TRIM33: variants seen among roughly 807,000 people sequenced by gnomAD.
TRIM33 encodes the protein E3 ubiquitin-protein ligase TRIM33.
In TRIM33, 20 loss-of-function variants were observed where a neutral mutation model predicts 125.4. The observed-to-expected ratio is 0.16, with a 90% CI of 0.11 to 0.23. The LOEUF (loss-of-function observed/expected upper bound fraction) is 0.23, where lower values mean the gene tolerates loss of function less well. Ranked by LOEUF, TRIM33 falls within the 10% of genes least tolerant of loss-of-function variation. The pLI is 1.00. For missense variants in TRIM33, 920 were observed against 1,411.4 expected (o/e 0.65, Z 5.58); for synonymous variants, 564 against 513.9 (o/e 1.10, Z -1.32).
chr1:114,395,838 C>T lies in TRIM33; in HGVS notation c.*1810G>A, dbSNP rs1299739689. 1.0e-5 allele frequency: 2 copies of T among 192,470 alleles called. No individual in the cohort carries two copies. The highest frequency in any genetic ancestry group is 2.2e-5 in the Non-Finnish European group (2 of 92,120). The allele number at this position is 192,470 out of a possible 1,614,324, so 11.9% of individuals were successfully genotyped here. ...TAATAAAATCAATACTCTTTAAATA[C>T]ACAACCAGAAAGCCTGAATCATATT... On this transcript the variant is annotated 3_prime_UTR_variant, in exon 20 of 20. Transcript: ENST00000358465.
At chr1:114,438,525 A>G (rs973290950) in intron 4 of TRIM33, among the ~76,000 whole-genome samples, 2 of 152,216 alleles carry the variant, frequency 1.3e-5, no homozygotes, top group African/African-American at 4.8e-5. Flanking sequence ...ATAGATGGCA[A>G]TAGCCTATTC....
At chr1:114,414,581 T>C (rs925282956) in intron 11 of TRIM33, among the ~76,000 whole-genome samples, 3 of 152,208 alleles carry the variant, frequency 2.0e-5, no homozygotes, top group Non-Finnish European at 2.9e-5. Context: ...AACAATCCAC[T>C]AAGTTTTATT....
In TRIM33 at chr1:114,417,249, GA is replaced by G. The variant is rs1347124219; in HGVS notation, c.2061+4186del. ...TGAGTACCATTTCTTTTGAGGTGAT[GA>G]AAATATTCTTGAATTAGTGGTAATG... On this transcript the variant is annotated intron_variant, in intron 11 of 19. Coordinates refer to ENST00000358465, the MANE Select transcript of TRIM33 (RefSeq NM_015906.4). Among the ~76,000 whole-genome samples, 8 of 152,268 alleles carry G rather than the reference GA, an allele frequency of 5.3e-5. No individual in the cohort carries two copies. In the East Asian group the frequency reaches 1.5e-3, roughly 29 times the overall value.
At chr1:114,445,860 TTTTG>T (rs1464542280) in intron 4 of TRIM33, among the ~76,000 whole-genome samples, 2 of 152,104 alleles carry the variant, frequency 1.3e-5, no homozygotes, top group Non-Finnish European at 2.9e-5. Flanking sequence ...TGAAGATTTT[TTTTG>T]TTTTTGTTTT....
intron 4 of TRIM33, among the ~76,000 whole-genome samples, chr1:114,462,120 T>A (rs1279501891): frequency 6.6e-6 from 1 of 152,118 alleles, no homozygotes; most frequent in Admixed American, 6.6e-5. Flanking sequence ...CTTTTGTGAG[T>A]AGGCTCTCTT....
intron 4 of TRIM33, among the ~76,000 whole-genome samples, chr1:114,458,209 C>T (rs986016100): frequency 6.6e-6 from 1 of 152,176 alleles, no homozygotes; most frequent in Admixed American, 6.5e-5. Flanking sequence ...GTTAGAATTA[C>T]AGTAGGAGCC....
Position 114,393,254 on chromosome 1 carries a change from C to A in TRIM33, c.*4394G>T. On this transcript the variant is annotated 3_prime_UTR_variant, in exon 20 of 20. Coordinates refer to ENST00000358465, the MANE Select transcript of TRIM33 (RefSeq NM_015906.4). ...TAACAGGCTTTCAAATTGCACAAATCTTTTTTTATAGGCTTATGTATATGT... is the reference window on the plus strand; with the variant it reads ...TAACAGGCTTTCAAATTGCACAAATATTTTTTTATAGGCTTATGTATATGT... 4.8e-6 allele frequency: 1 copy of A among 207,230 alleles called. No homozygotes were observed. Among genetic ancestry groups the A allele is most frequent in the South Asian group, 1.9e-4 (1 of 5,300 alleles). 12.8% of individuals were successfully genotyped at this position (207,230 alleles called of 1,614,324 possible).
At chr1:114,477,175 AAAC>A (rs1651024090) in intron 1 of TRIM33, among the ~76,000 whole-genome samples, 2 of 152,318 alleles carry the variant, frequency 1.3e-5, no homozygotes, top group African/African-American at 4.8e-5. Flanking sequence ...AATCATATCA[AAAC>A]AACTGAAGAA....
chr1:114,463,476 G>A lies in TRIM33; in HGVS notation c.726C>T (p.Ile242=), dbSNP rs755317131. ...ECGEWLCKTC[I]EAHQRVKFTK... is the part of the protein sequence containing the mutation. Reference sequence around the variant, plus strand: ...TAAATTTTACTCTTTGATGTGCTTCGATACATGTCTTACATAGCCACTCTC... The same window carrying A: ...TAAATTTTACTCTTTGATGTGCTTCAATACATGTCTTACATAGCCACTCTC... Residue 242 remains isoleucine, a synonymous_variant, in exon 3 of 20, where the codon ATC becomes ATT. Coordinates refer to ENST00000358465, the MANE Select transcript of TRIM33 (RefSeq NM_015906.4). 42 of 1,611,756 alleles carry A rather than the reference G, an allele frequency of 2.6e-5. No individual in the cohort carries two copies. The highest frequency in any genetic ancestry group is 6.7e-5 in the African/African-American group (5 of 74,686).
intron 8 of TRIM33, 58 bp from the exon 9 acceptor site, chr1:114,425,781 G>A: frequency 7.8e-7 from 1 of 1,278,310 alleles, no homozygotes; most frequent in African/African-American, 1.5e-5. Flanking sequence ...CTACTTTGTT[G>A]AGTAATCACC....
At chr1:114,462,964 G>T in intron 4 of TRIM33, 140 bp downstream of exon 4, 1 of 608,384 alleles carries the variant, frequency 1.6e-6, no homozygotes, top group Non-Finnish European at 2.6e-6. Context: ...AACATATATT[G>T]CTCAAGAAAT....
rs1158896226 is a variant in TRIM33 at position 114,503,837 on chromosome 1, AAAAACCATAGTTTTTAAGT to A, written c.526+6695_526+6713del. On this transcript the variant is annotated intron_variant, in intron 1 of 19. Coordinates refer to ENST00000358465, the MANE Select transcript of TRIM33 (RefSeq NM_015906.4). The stretch of plus-strand genomic sequence containing the variant: ...AAATGGCTGCCAAATACCCATGCCT[AAAAACCATAGTTTTTAAGT>A]AAAACCATAGTTTCAAGTAAAATAG... 3.3e-5 allele frequency among the ~76,000 whole-genome samples: 5 copies of A among 152,344 alleles called. No individual in the cohort carries two copies. The East Asian group carries it at 5.8e-4, about 18-fold the overall frequency.
chr1:114,487,235 T>C (rs150008906), intron 1 of TRIM33, among the ~76,000 whole-genome samples: 82 of 149,386 alleles, frequency 5.5e-4, no homozygotes, highest in African/African-American at 1.9e-3. Flanking sequence ...ATAAAAGTTC[T>C]GAAAGATAAA....
intron 13 of TRIM33, among the ~76,000 whole-genome samples, chr1:114,408,310 T>C (rs1465891199): frequency 1.3e-5 from 2 of 152,210 alleles, no homozygotes; most frequent in African/African-American, 2.4e-5. Context: ...GGTTTTTTTT[T>C]CAAAGGCATT....
rs772613859 is a variant in TRIM33 at position 114,464,397 on chromosome 1, T to C, written c.527-9A>G. The C allele has an allele frequency of 1.1e-5, 16 of 1,427,302 alleles. No individual in the cohort carries two copies. In the South Asian group the frequency reaches 1.7e-4, roughly 16 times the overall value. The allele number at this position is 1,427,302 out of a possible 1,614,324, so 88.4% of individuals were successfully genotyped here. A position where few individuals can be genotyped will look rare whatever the true frequency, so the allele number is the denominator to read the frequency against. On this transcript the variant is annotated splice_polypyrimidine_tract_variant and intron_variant, in intron 1 of 19. Coordinates refer to ENST00000358465, the MANE Select transcript of TRIM33 (RefSeq NM_015906.4). ...GCACCGTATTACACCAACTACAACATAAAATAACAACATTTTAAAATATTC... is the reference window on the plus strand; with the variant it reads ...GCACCGTATTACACCAACTACAACACAAAATAACAACATTTTAAAATATTC...
chr1:114,440,596 C>T (rs1196997392), intron 4 of TRIM33, among the ~76,000 whole-genome samples: 2 of 151,888 alleles, frequency 1.3e-5, no homozygotes, highest in Non-Finnish European at 2.9e-5. Flanking sequence ...ACTTTTTTTG[C>T]TATCTAAAAA....
rs1366501845 is a variant in TRIM33, at chr1:114,510,806, C to A, written c.271G>T (p.Gly91Trp). 3 of 1,519,194 alleles carry A rather than the reference C, an allele frequency of 2.0e-6. No homozygotes were observed. In the South Asian group the frequency reaches 3.7e-5, roughly 19 times the overall value. 94.1% of individuals were successfully genotyped at this position (1,519,194 alleles called of 1,614,324 possible). Residue 91 changes from glycine (G) to tryptophan (W), a missense_variant, in exon 1 of 20, where the codon GGG (glycine) becomes TGG (tryptophan). By Grantham distance (184) the Gly-to-Trp change is radical. Coordinates refer to ENST00000358465, the MANE Select transcript of TRIM33 (RefSeq NM_015906.4). ...PAASVGTGVA[G>W]GAVSTPAPAP... Reference sequence around the variant, plus strand: ...GGAGCCGGCGTCGATACTGCGCCCCCGGCAACTCCAGTGCCCACTGAGGCC... The same window carrying A: ...GGAGCCGGCGTCGATACTGCGCCCCAGGCAACTCCAGTGCCCACTGAGGCC...
chr1:114,395,080 ATTTAAGT>A lies in TRIM33; in HGVS notation c.*2561_*2567del, dbSNP rs1651473058. The A allele has an allele frequency of 1.0e-5, 2 of 192,290 alleles. No individual in the cohort carries two copies. Among genetic ancestry groups the A allele is most frequent in the Non-Finnish European group, 2.2e-5 (2 of 92,076 alleles). The allele number at this position is 192,290 out of a possible 1,614,324, so 11.9% of individuals were successfully genotyped here. A position where few individuals can be genotyped will look rare whatever the true frequency, so the allele number is the denominator to read the frequency against. On this transcript the variant is annotated 3_prime_UTR_variant, in exon 20 of 20. Transcript: ENST00000358465. ...TAGGAAAACATATATCTAAATATCAATTTAAGTTTTTATACTTTTTAACCATAGGTAT... is the reference window on the plus strand; with the variant it reads ...TAGGAAAACATATATCTAAATATCAATTTTATACTTTTTAACCATAGGTAT...
chr1:114,405,305 G>T, intron 15 of TRIM33, 105 bp downstream of exon 15: 1 of 817,852 alleles, frequency 1.2e-6, no homozygotes, highest in South Asian at 1.7e-5. Flanking sequence ...CTGTTTTATA[G>T]AAATACTATG....
Sources: gnomAD v4.1 joint callset for allele counts (sites outside exome capture counted in the v4.1 genomes callset) on GRCh38, gnomAD v4.1.1 for gene constraint, MANE v1.5 for transcripts, NCBI Gene and HGNC (gene_info 2026-07-23, HGNC 2026-07-21) for gene names.